ZNF385D: variants seen among roughly 807,000 people sequenced by gnomAD.
ZNF385D encodes the protein zinc finger protein 659.
A neutral mutation model predicts 35.8 loss-of-function variants in ZNF385D; 15 were observed. The ratio of observed to expected loss-of-function variants is 0.42; its 90% CI spans 0.28 to 0.64. The LOEUF (loss-of-function observed/expected upper bound fraction) is 0.64. ZNF385D is among the 30% of genes least tolerant of loss of function. The pLI is 0.23. For missense variants in ZNF385D, 474 were observed against 494.6 expected (o/e 0.96, Z 0.39); for synonymous variants, 212 against 186.8 (o/e 1.13, Z -1.10).
intron 3 of ZNF385D, among the ~76,000 whole-genome samples, chr3:21,758,997 A>AC (rs2070478348): frequency 6.7e-6 from 1 of 149,152 alleles, no homozygotes; most frequent in Non-Finnish European, 1.5e-5. Flanking sequence ...AAAAAAAAAA[A>AC]AAAAAAAAAC....
chr3:21,742,963 A>G (rs183265543), intron 1 of ZNF385D, among the ~76,000 whole-genome samples: 1 of 152,372 alleles, frequency 6.6e-6, no homozygotes, highest in East Asian at 1.9e-4. Context: ...TTAACTGTTT[A>G]CCATGTACTT....
At chr3:22,313,996 G>A (rs1187712215) in intron 2 of ZNF385D, among the ~76,000 whole-genome samples, 1 of 152,134 alleles carries the variant, frequency 6.6e-6, no homozygotes, top group African/African-American at 2.4e-5. Context: ...ATTTGTTGCA[G>A]ATTCCAGTCC....
intron 3 of ZNF385D, among the ~76,000 whole-genome samples, chr3:21,980,905 T>C (rs761629667): frequency 1.3e-5 from 2 of 152,176 alleles, no homozygotes; most frequent in Non-Finnish European, 2.9e-5. Context: ...CTAATTCTTT[T>C]TTTATGGTTG....
intron 2 of ZNF385D, among the ~76,000 whole-genome samples, chr3:21,624,364 A>C (rs922439949): frequency 6.6e-6 from 1 of 152,080 alleles, no homozygotes; most frequent in Non-Finnish European, 1.5e-5. Context: ...CCTATATTAA[A>C]TATGGACATT....
chr3:21,530,095 C>T (rs2061889040), intron 3 of ZNF385D, among the ~76,000 whole-genome samples: 1 of 152,010 alleles, frequency 6.6e-6, no homozygotes, highest in Admixed American at 6.6e-5. Context: ...GGCACCTCCT[C>T]CTCTCTCTCA....
chr3:21,863,678 G>A (rs1309237229), intron 3 of ZNF385D, among the ~76,000 whole-genome samples: 1 of 152,092 alleles, frequency 6.6e-6, no homozygotes, highest in Non-Finnish European at 1.5e-5. Context: ...ATTCTGCAGT[G>A]ATATAATTTC....
intron 2 of ZNF385D, among the ~76,000 whole-genome samples, chr3:22,246,316 T>C (rs1699780276): frequency 6.6e-6 from 1 of 152,156 alleles, no homozygotes; most frequent in South Asian, 2.1e-4. Flanking sequence ...AATTTTTTGG[T>C]TGACCTCTGT....
intron 3 of ZNF385D, among the ~76,000 whole-genome samples, chr3:21,968,430 T>G (rs1341614552): frequency 6.6e-6 from 1 of 151,992 alleles, no homozygotes; most frequent in East Asian, 1.9e-4. Context: ...GACATCAGCC[T>G]AGGAAGCCAA....
chr3:21,495,233 T>A (rs1705741343), intron 4 of ZNF385D, among the ~76,000 whole-genome samples: 1 of 152,134 alleles, frequency 6.6e-6, no homozygotes, highest in Non-Finnish European at 1.5e-5. Context: ...ATGATTTTTT[T>A]TTTTTCCCAC....
chr3:21,626,723 C>A (rs1168328837), intron 2 of ZNF385D, among the ~76,000 whole-genome samples: 2 of 151,976 alleles, frequency 1.3e-5, no homozygotes, highest in East Asian at 3.9e-4. Flanking sequence ...AAAGATGGAA[C>A]CTGAGAAGTG....
At chr3:22,247,305 A>G (rs1354809656) in intron 2 of ZNF385D, among the ~76,000 whole-genome samples, 2 of 152,148 alleles carry the variant, frequency 1.3e-5, no homozygotes, top group African/African-American at 4.8e-5. Context: ...TTAAATAAAA[A>G]AACTAAAGTA....
chr3:21,795,403 C>T (rs767274472), intron 3 of ZNF385D, among the ~76,000 whole-genome samples: 11 of 152,144 alleles, frequency 7.2e-5, no homozygotes, highest in Admixed American at 5.9e-4. Flanking sequence ...TGGCTGAGGG[C>T]GGGGCACATA....
At chr3:22,316,027 G>C (rs1703867586) in intron 2 of ZNF385D, among the ~76,000 whole-genome samples, 1 of 152,152 alleles carries the variant, frequency 6.6e-6, no homozygotes, top group Non-Finnish European at 1.5e-5. Flanking sequence ...TCAAACCTAA[G>C]ATTGGTCTCC....
At chr3:22,041,975 C>G (rs1340095222) in intron 3 of ZNF385D, among the ~76,000 whole-genome samples, 1 of 152,106 alleles carries the variant, frequency 6.6e-6, no homozygotes, top group African/African-American at 2.4e-5. Context: ...CCAGTATAAA[C>G]TTTTAGCAGT....
intron 3 of ZNF385D, among the ~76,000 whole-genome samples, chr3:21,960,351 A>T (rs1702519608): frequency 6.6e-6 from 1 of 152,206 alleles, no homozygotes; most frequent in African/African-American, 2.4e-5. Flanking sequence ...AATACCACTA[A>T]TCATCGGGGA....
chr3:21,968,107 G>A (rs566879646), intron 3 of ZNF385D, among the ~76,000 whole-genome samples: 4 of 152,270 alleles, frequency 2.6e-5, no homozygotes, highest in African/African-American at 7.2e-5. Context: ...TTGAGGGAGA[G>A]AGAGGAAAGG....
intron 2 of ZNF385D, among the ~76,000 whole-genome samples, chr3:22,188,203 T>A (rs1459847350): frequency 6.6e-6 from 1 of 152,134 alleles, no homozygotes; most frequent in Non-Finnish European, 1.5e-5. Context: ...AGACAAAGCA[T>A]TAGATTTATT....
chr3:21,807,353 A>C (rs9831973), intron 3 of ZNF385D, among the ~76,000 whole-genome samples: 12,723 of 152,130 alleles, frequency 0.084, 587 homozygotes, highest in Middle Eastern at 0.11. Flanking sequence ...ATTTTGGTTT[A>C]TGACACTATG....
intron 2 of ZNF385D, among the ~76,000 whole-genome samples, chr3:22,196,370 AC>A (rs1696414242): frequency 6.6e-6 from 1 of 152,076 alleles, no homozygotes; most frequent in South Asian, 2.1e-4. Flanking sequence ...GTATTTTGCA[AC>A]AATAGAAGTA....
Sources: gnomAD v4.1 joint callset for allele counts (sites outside exome capture counted in the v4.1 genomes callset) on GRCh38, gnomAD v4.1.1 for gene constraint, MANE v1.5 for transcripts, NCBI Gene and HGNC (gene_info 2026-07-23, HGNC 2026-07-21) for gene names.